Variants in FAM171B observed in about 807,000 individuals in gnomAD.
FAM171B encodes the protein family with sequence similarity 171 member B, also known as protein FAM171B.
In FAM171B, 19 loss-of-function variants were observed where a neutral mutation model predicts 75.6. The observed-to-expected ratio is 0.25, with a 90% confidence interval of 0.18 to 0.37. FAM171B has a LOEUF of 0.37. FAM171B is among the 10% of genes least tolerant of loss of function. FAM171B has a pLI of 1.00. For synonymous variants in FAM171B, 367 were observed against 361.7 expected, an observed-to-expected ratio of 1.01 and a Z score of -0.17; for missense variants, 848 against 982.4, an observed-to-expected ratio of 0.86 and a Z score of 1.83.
intron 1 of FAM171B, among the ~76,000 whole-genome samples, chr2:186,706,447 G>A (rs1689734423): frequency 6.6e-6 from 1 of 152,192 alleles, no homozygotes; most frequent in Admixed American, 6.5e-5. Flanking sequence ...AAGAGACTAT[G>A]AAGAGTGAAT....
chr2:186,700,495 GA>G (rs1224467629), intron 1 of FAM171B, among the ~76,000 whole-genome samples: 9 of 152,218 alleles, frequency 5.9e-5, no homozygotes, highest in Non-Finnish European at 1.2e-4. Flanking sequence ...TCACAAAATG[GA>G]ATCCATGGCG....
intron 6 of FAM171B, 93 bp downstream of exon 6, chr2:186,754,142 C>T: frequency 1.2e-6 from 1 of 861,496 alleles, no homozygotes; most frequent in East Asian, 2.7e-5. Flanking sequence ...CTAAGCACTG[C>T]CACTTACCAG....
At position 186,762,906 on chromosome 2, in the gene FAM171B, T is replaced by C; in HGVS notation, c.*83T>C. 1.3e-5 allele frequency: 19 copies of C among 1,490,332 alleles called. No homozygotes were observed. The highest frequency in any genetic ancestry group is 1.5e-5 in the Non-Finnish European group (17 of 1,105,774). The allele number at this position is 1,490,332 out of a possible 1,614,324, so 92.3% of individuals were successfully genotyped here. ...AAATTGCAGTACGAACTTAAGAAAA[T>C]GAGACTGAGCAATCTCATGGTTCTT... On this transcript the variant is annotated 3_prime_UTR_variant, in exon 8 of 8. Coordinates refer to ENST00000304698, the MANE Select transcript of FAM171B (RefSeq NM_177454.4). This position sits in a 1 kb window ranked among gnomAD's most constrained non-coding sequence, Gnocchi z 4.0.
At chr2:186,715,680 T>C (rs927586829) in intron 1 of FAM171B, among the ~76,000 whole-genome samples, 1 of 152,334 alleles carries the variant, frequency 6.6e-6, no homozygotes, top group South Asian at 2.1e-4. Context: ...ACTATGTAAT[T>C]ACCTGCTTTT....
intron 5 of FAM171B, among the ~76,000 whole-genome samples, chr2:186,753,681 GGGATT>G (rs1424341196): frequency 6.6e-6 from 1 of 152,070 alleles, no homozygotes; most frequent in Non-Finnish European, 1.5e-5. Context: ...CCAAAGTGCT[GGGATT>G]ACCAGCTTGA....
chr2:186,736,458 G>T (rs550751027), intron 1 of FAM171B, among the ~76,000 whole-genome samples: 1 of 151,180 alleles, frequency 6.6e-6, no homozygotes, highest in South Asian at 2.1e-4. Flanking sequence ...ACAACGCATG[G>T]CTTATTACCC....
intron 1 of FAM171B, among the ~76,000 whole-genome samples, chr2:186,738,104 C>T (rs1690230817): frequency 6.6e-6 from 1 of 152,258 alleles, no homozygotes; most frequent in Non-Finnish European, 1.5e-5. Flanking sequence ...AGGGATGTTA[C>T]AGCTCTTGCT....
intron 6 of FAM171B, among the ~76,000 whole-genome samples, chr2:186,754,644 C>A (rs1443452656): frequency 6.6e-6 from 1 of 152,056 alleles, no homozygotes; most frequent in Non-Finnish European, 1.5e-5. Flanking sequence ...ACACATGTTA[C>A]TTGGTGGGGA....
intron 4 of FAM171B, among the ~76,000 whole-genome samples, chr2:186,748,216 C>G (rs1331640097): frequency 1.3e-5 from 2 of 152,154 alleles, no homozygotes; most frequent in Non-Finnish European, 2.9e-5. Context: ...AGCCACCTCG[C>G]CAGGCCTGTT....
intron 1 of FAM171B, among the ~76,000 whole-genome samples, chr2:186,723,361 G>C (rs559819414): frequency 6.6e-6 from 1 of 152,252 alleles, no homozygotes; most frequent in African/African-American, 2.4e-5. Context: ...CTTTTAAATA[G>C]TAATTTATTA....
intron 5 of FAM171B, among the ~76,000 whole-genome samples, chr2:186,751,756 T>G (rs1690458373): frequency 2.0e-5 from 3 of 152,192 alleles, no homozygotes; most frequent in African/African-American, 7.2e-5. Flanking sequence ...AGTTTTGTTT[T>G]CTGGGTTTCG....
intron 1 of FAM171B, among the ~76,000 whole-genome samples, chr2:186,695,485 A>G (rs11678136): frequency 0.22 from 33,138 of 152,172 alleles, 3,894 homozygotes; most frequent in Non-Finnish European, 0.26. Context: ...GCCTGGTAAC[A>G]CTATATGAGT....
intron 1 of FAM171B, among the ~76,000 whole-genome samples, chr2:186,735,654 G>A (rs1690188758): frequency 6.6e-6 from 1 of 152,152 alleles, no homozygotes; most frequent in African/African-American, 2.4e-5. Context: ...CAGCTTGAAG[G>A]CAACAGGCAA....
At chr2:186,722,549 C>CA (rs1314376189) in intron 1 of FAM171B, among the ~76,000 whole-genome samples, 3 of 152,110 alleles carry the variant, frequency 2.0e-5, no homozygotes, top group African/African-American at 7.2e-5. Flanking sequence ...ATGCATGATA[C>CA]AGTGATCAAG....
chr2:186,743,380 C>G (rs557846140), intron 2 of FAM171B, 103 bp from the exon 3 acceptor site: 5 of 696,288 alleles, frequency 7.2e-6, no homozygotes, highest in Middle Eastern at 2.5e-4. Flanking sequence ...TTTGTTCCCC[C>G]CCACAACACA....
At chr2:186,728,840 A>G (rs190337817) in intron 1 of FAM171B, among the ~76,000 whole-genome samples, 112 of 152,330 alleles carry the variant, frequency 7.4e-4, no homozygotes, top group African/African-American at 2.7e-3. Flanking sequence ...ACAACATAAT[A>G]GGATGATGTC....
intron 1 of FAM171B, among the ~76,000 whole-genome samples, chr2:186,709,092 C>CGAGA (rs998449857): frequency 6.6e-6 from 1 of 151,534 alleles, no homozygotes; most frequent in East Asian, 1.9e-4. Context: ...AAAGAAGGAC[C>CGAGA]GAGAGAGAGA....
chr2:186,718,458 C>G (rs776127005), intron 1 of FAM171B, among the ~76,000 whole-genome samples: 36 of 152,196 alleles, frequency 2.4e-4, no homozygotes, highest in Non-Finnish European at 4.4e-4. Context: ...CAAATCTACT[C>G]TTTCAAATTC....
intron 1 of FAM171B, among the ~76,000 whole-genome samples, chr2:186,736,043 A>T (rs1342566950): frequency 6.6e-6 from 1 of 152,202 alleles, no homozygotes; most frequent in Non-Finnish European, 1.5e-5. Context: ...TCACCTTGGA[A>T]TCTCTTCCTC....
Sources: allele counts gnomAD v4.1 joint callset (sites outside exome capture counted in the v4.1 genomes callset), GRCh38; gene constraint gnomAD v4.1.1; non-coding constraint Gnocchi (gnomAD v3.1); transcripts MANE v1.5; gene names NCBI Gene and HGNC (gene_info 2026-07-23, HGNC 2026-07-21).